DDX10: variants seen among roughly 807,000 people sequenced by gnomAD.
DDX10 encodes the protein probable ATP-dependent RNA helicase DDX10.
A neutral mutation model predicts 104.3 loss-of-function variants in DDX10; 74 were observed. The observed-to-expected ratio is 0.71, with a 90% CI of 0.59 to 0.86. The LOEUF is 0.86. DDX10 is among the 40% of genes least tolerant of loss of function. The pLI is 0.00. For synonymous variants in DDX10, 351 were observed against 353.4 expected (o/e 0.99, Z 0.08); for missense variants, 952 against 1,040.0 (o/e 0.92, Z 1.16).
chr11:108,876,271 C>T (rs1039393371), intron 16 of DDX10, among the ~76,000 whole-genome samples: 2 of 152,224 alleles, frequency 1.3e-5, no homozygotes, highest in Admixed American at 6.5e-5. Flanking sequence ...TTACCTTCCT[C>T]TTACCATGTT....
At chr11:108,899,610 T>C (rs1042728612) in intron 16 of DDX10, among the ~76,000 whole-genome samples, 2 of 152,048 alleles carry the variant, frequency 1.3e-5, no homozygotes, top group Non-Finnish European at 2.9e-5. Flanking sequence ...CACAGCAATA[T>C]TAGAATTATT....
chr11:108,937,297 G>A (rs1233154141), intron 17 of DDX10, among the ~76,000 whole-genome samples: 1 of 152,134 alleles, frequency 6.6e-6, no homozygotes, highest in East Asian at 1.9e-4. Context: ...AATTAACACT[G>A]TTATTCTGGG....
chr11:108,793,151 C>A (rs969104161), intron 13 of DDX10, among the ~76,000 whole-genome samples: 1 of 152,164 alleles, frequency 6.6e-6, no homozygotes, highest in Non-Finnish European at 1.5e-5. Context: ...TCTAATTACT[C>A]TCTCTGTTGG....
chr11:108,900,876 T>C (rs894154525), intron 16 of DDX10, among the ~76,000 whole-genome samples: 1 of 152,174 alleles, frequency 6.6e-6, no homozygotes, highest in African/African-American at 2.4e-5. Context: ...GTTTCCAGTA[T>C]CTACCTTGTA....
intron 3 of DDX10, among the ~76,000 whole-genome samples, chr11:108,676,072 C>G (rs1346723605): frequency 6.6e-6 from 1 of 152,228 alleles, no homozygotes; most frequent in African/African-American, 2.4e-5. Flanking sequence ...TTTCTGCTCT[C>G]ACCCTTGTGA....
intron 13 of DDX10, among the ~76,000 whole-genome samples, chr11:108,755,650 T>C (rs2094343555): frequency 3.9e-5 from 6 of 152,022 alleles, no homozygotes; most frequent in Admixed American, 3.9e-4. Context: ...CCCAGTTAGA[T>C]GATTTTCAGA....
intron 9 of DDX10, among the ~76,000 whole-genome samples, chr11:108,702,861 T>C (rs1044542081): frequency 7.9e-5 from 12 of 152,238 alleles, no homozygotes; most frequent in Non-Finnish European, 1.5e-4. Flanking sequence ...TAGGCCAACC[T>C]CTTGGGCTCT....
At position 108,715,947 on chromosome 11, in the gene DDX10, TA is replaced by T; in HGVS notation, c.1395del (p.Glu466LysfsTer16). ...TCTATTTTAGCTCAAGATCAAGATT[TA>T]AAAGAAAGAGCTCAAAGGGTAAGTC... ...LESILAQDQD[L>X]KERAQRCFVS... On this transcript the variant is annotated frameshift_variant, in exon 11 of 18. Transcript: ENST00000322536. LOFTEE classifies it high-confidence loss of function. 6.4e-7 allele frequency: 1 copy of T among 1,556,314 alleles called. No individual in the cohort carries two copies. The highest frequency in any genetic ancestry group is 8.8e-7 in the Non-Finnish European group (1 of 1,130,948).
intron 16 of DDX10, among the ~76,000 whole-genome samples, chr11:108,879,011 T>C (rs1408020321): frequency 2.6e-5 from 4 of 152,122 alleles, no homozygotes; most frequent in Non-Finnish European, 5.9e-5. Context: ...AGTCTTTTTT[T>C]GTTTTGTTTT....
chr11:108,674,174 T>G (rs2094220791), intron 2 of DDX10, among the ~76,000 whole-genome samples: 1 of 151,926 alleles, frequency 6.6e-6, no homozygotes, highest in Admixed American at 6.6e-5. Context: ...ATACAAAAAT[T>G]AGCTGGGTGT....
At chr11:108,889,831 T>G (rs1209914972) in intron 16 of DDX10, among the ~76,000 whole-genome samples, 4 of 152,212 alleles carry the variant, frequency 2.6e-5, no homozygotes, top group Non-Finnish European at 5.9e-5. Flanking sequence ...TTGGCTTGAA[T>G]AGCCACATCA....
chr11:108,867,682 G>A (rs539534537), intron 16 of DDX10, among the ~76,000 whole-genome samples: 6 of 152,164 alleles, frequency 3.9e-5, no homozygotes, highest in East Asian at 1.9e-4. Flanking sequence ...ATAACACTGC[G>A]GAAGATAAAT....
At chr11:108,896,970 T>A (rs1267043552) in intron 16 of DDX10, among the ~76,000 whole-genome samples, 1 of 152,058 alleles carries the variant, frequency 6.6e-6, no homozygotes, top group Non-Finnish European at 1.5e-5. Context: ...AGCTTTTAAT[T>A]AAGCTGACTT....
At chr11:108,738,712 AT>A (rs1201082212) in intron 13 of DDX10, among the ~76,000 whole-genome samples, 1 of 152,122 alleles carries the variant, frequency 6.6e-6, no homozygotes, top group Non-Finnish European at 1.5e-5. Flanking sequence ...TTTCTGATTC[AT>A]TTACTGACGA....
At chr11:108,821,123 A>G (rs1346047670) in intron 13 of DDX10, among the ~76,000 whole-genome samples, 1 of 152,204 alleles carries the variant, frequency 6.6e-6, no homozygotes, top group Non-Finnish European at 1.5e-5. Flanking sequence ...GATGAAGTAA[A>G]AGAAGATTTT....
intron 6 of DDX10, among the ~76,000 whole-genome samples, chr11:108,685,997 T>A (rs2094243466): frequency 6.6e-6 from 1 of 152,244 alleles, no homozygotes; most frequent in Non-Finnish European, 1.5e-5. Flanking sequence ...ACTTGATATA[T>A]ATTTGGGCTT....
chr11:108,701,874 C>T (rs1232632376), intron 9 of DDX10, among the ~76,000 whole-genome samples: 4 of 151,898 alleles, frequency 2.6e-5, no homozygotes, highest in Non-Finnish European at 4.4e-5. Context: ...TTAGCAGAGA[C>T]GGGGTTTTGC....
chr11:108,848,854 CTGATAGGA>C (rs1862754158), intron 15 of DDX10, among the ~76,000 whole-genome samples: 1 of 151,958 alleles, frequency 6.6e-6, no homozygotes, highest in African/African-American at 2.4e-5. Context: ...ATCAGGGAGT[CTGATAGGA>C]TTAAGTTATA....
chr11:108,861,417 T>C (rs1371803265), intron 16 of DDX10, among the ~76,000 whole-genome samples: 2 of 152,160 alleles, frequency 1.3e-5, no homozygotes, highest in Non-Finnish European at 2.9e-5. Flanking sequence ...AGAAATAACC[T>C]GAATTGTAGG....
Sources: gnomAD v4.1 joint callset for allele counts (sites outside exome capture counted in the v4.1 genomes callset) on GRCh38, gnomAD v4.1.1 for gene constraint, MANE v1.5 for transcripts, NCBI Gene and HGNC (gene_info 2026-07-23, HGNC 2026-07-21) for gene names.